Variants in USP53 observed in about 807,000 individuals in gnomAD.
The protein encoded by USP53 is ubiquitin carboxyl-terminal hydrolase 53.
In USP53, 71 loss-of-function variants were observed where a neutral mutation model predicts 94.9. The ratio of observed to expected loss-of-function variants is 0.75; its 90% CI spans 0.62 to 0.91. USP53 has a LOEUF of 0.91. USP53 is among the 40% of genes least tolerant of loss of function. The pLI is 0.00. For missense variants in USP53, 1,173 were observed against 1,281.0 expected (o/e 0.92, Z 1.29); for synonymous variants, 375 against 422.7 (o/e 0.89, Z 1.39).
At chr4:119,233,862 C>T (rs111862455) in intron 3 of USP53, among the ~76,000 whole-genome samples, 5 of 152,256 alleles carry the variant, frequency 3.3e-5, no homozygotes, top group African/African-American at 1.2e-4. Context: ...GGGTGAAAGA[C>T]TAGGCTTTAA....
chr4:119,269,819 G>T lies in USP53; in HGVS notation c.1417G>T (p.Asp473Tyr). Residue 473 changes from aspartate (D) to tyrosine (Y), a missense_variant, in exon 15 of 19, where the codon GAT (aspartate) becomes TAT (tyrosine). Coordinates refer to ENST00000692078, the MANE Select transcript of USP53 (RefSeq NM_001371395.1). ...RKDLEKGQRK[D>Y]LGRHRDLVDE... is the part of the protein sequence containing the mutation. ...AGATTTAGAGAAGGGACAAAGAAAA[G>T]ATTTAGGACGACATAGAGGTAAGTT... is the stretch of plus-strand genomic sequence containing the variant. 1 of 1,489,126 alleles carries T rather than the reference G, an allele frequency of 6.7e-7. No individual in the cohort carries two copies. 92.2% of individuals were successfully genotyped at this position (1,489,126 alleles called of 1,614,324 possible).
At chr4:119,264,404 A>G (rs755382387) in intron 12 of USP53, among the ~76,000 whole-genome samples, 2 of 152,206 alleles carry the variant, frequency 1.3e-5, no homozygotes, top group Non-Finnish European at 2.9e-5. Context: ...TTCTTCAGTA[A>G]GATACTATTA....
intron 5 of USP53, among the ~76,000 whole-genome samples, chr4:119,240,292 G>A (rs912894501): frequency 1.3e-5 from 2 of 152,066 alleles, no homozygotes; most frequent in African/African-American, 4.8e-5. Flanking sequence ...AGATAAGAAT[G>A]CAGAGTTTTT....
chr4:119,255,045 C>A (rs1434178286), intron 7 of USP53, among the ~76,000 whole-genome samples: 1 of 152,124 alleles, frequency 6.6e-6, no homozygotes, highest in Non-Finnish European at 1.5e-5. Flanking sequence ...CTGGTTTTCA[C>A]CAGTGGAGGC....
At chr4:119,227,697 A>G (rs149522193) in intron 3 of USP53, among the ~76,000 whole-genome samples, 1 of 152,332 alleles carries the variant, frequency 6.6e-6, no homozygotes, top group East Asian at 1.9e-4. Flanking sequence ...AATTTTCTAT[A>G]AAGTTAAACA....
chr4:119,280,106 C>G (rs897409977), intron 17 of USP53, among the ~76,000 whole-genome samples: 1 of 152,176 alleles, frequency 6.6e-6, no homozygotes, highest in Non-Finnish European at 1.5e-5. Flanking sequence ...TGTTCCTATT[C>G]GGCCATCTTG....
chr4:119,243,167 T>C (rs1325394860), intron 5 of USP53, among the ~76,000 whole-genome samples: 3 of 152,202 alleles, frequency 2.0e-5, no homozygotes, highest in Non-Finnish European at 4.4e-5. Flanking sequence ...TAAACCTTAA[T>C]TTTTTAAAAT....
Position 119,267,470 on chromosome 4 carries a change from G to A in USP53, c.1123G>A (p.Ala375Thr), listed in dbSNP as rs767251361. 1.2e-6 allele frequency: 2 copies of A among 1,605,828 alleles called. No homozygotes were observed. Among genetic ancestry groups the A allele is most frequent in the South Asian group, 2.3e-5 (2 of 88,558 alleles). Residue 375 changes from alanine to threonine, a missense_variant, in exon 13 of 19, where the codon GCA becomes ACA. Physicochemically the swap from Ala to Thr is moderately conservative, Grantham distance 58 (BLOSUM62 0). Transcript: ENST00000692078. ...CAGCTGGTCACATTACAAATCTGTT[G>A]CAGAAAATATGGGTAATTCTTTCTT... ...VISWSHYKSV[A>T]ENMGCEKPVI...
rs755934458 is a variant in USP53, at chr4:119,292,339, T to C, written c.2350T>C (p.Ser784Pro). The change falls in exon 19 of 19, where the codon TCA becomes CCA. Residue 784 changes from serine (S) to proline (P), a missense_variant and splice_region_variant. By Grantham distance (74) the Ser-to-Pro change is moderately conservative. Coordinates refer to ENST00000692078, the MANE Select transcript of USP53 (RefSeq NM_001371395.1). The part of the protein sequence containing the change: ...LQIKNHLIKR[S>P]HVHEDNGKLF... ...TTTGTTTTTATTTTCATATTTCAGA[T>C]CACATGTACATGAAGACAATGGAAA... 1 of 1,574,216 alleles carries C rather than the reference T, an allele frequency of 6.4e-7. No homozygotes were observed. The highest frequency in any genetic ancestry group is 8.6e-7 in the Non-Finnish European group (1 of 1,163,766).
intron 7 of USP53, among the ~76,000 whole-genome samples, chr4:119,251,344 GAA>G (rs1039831101): frequency 1.3e-5 from 2 of 152,148 alleles, no homozygotes; most frequent in African/African-American, 4.8e-5. Context: ...TTGCTATTGT[GAA>G]TAGTGCCACA....
intron 7 of USP53, among the ~76,000 whole-genome samples, chr4:119,249,865 T>C (rs1450636519): frequency 6.6e-6 from 1 of 151,866 alleles, no homozygotes; most frequent in South Asian, 2.1e-4. Context: ...AGGGTTTCAC[T>C]GTGTTAGCCA....
intron 12 of USP53, 116 bp from the exon 13 acceptor site, chr4:119,267,204 A>C: frequency 4.7e-5 from 37 of 785,034 alleles, no homozygotes; most frequent in Non-Finnish European, 6.2e-5. Flanking sequence ...TTGAACTACT[A>C]GCAGCTGCAT....
intron 5 of USP53, among the ~76,000 whole-genome samples, chr4:119,241,461 C>T (rs573767496): frequency 1.3e-4 from 20 of 152,112 alleles, no homozygotes; most frequent in Non-Finnish European, 2.4e-4. Flanking sequence ...CTGTATTTCA[C>T]CTTTATTTTT....
intron 6 of USP53, among the ~76,000 whole-genome samples, chr4:119,246,375 T>C (rs1383449244): frequency 1.3e-5 from 2 of 152,184 alleles, no homozygotes; most frequent in South Asian, 2.1e-4. Flanking sequence ...CAGGTGGCCA[T>C]GCGGCAAGAC....
rs1752298239 is a variant in USP53, at chr4:119,274,317, A to T, written c.2251+609A>T. ...CTGTGTCCATGTGATCTCATTGTTCAATTCCCACCTATGAGTGAGAATATG... is the reference window on the plus strand; with the variant it reads ...CTGTGTCCATGTGATCTCATTGTTCTATTCCCACCTATGAGTGAGAATATG... On this transcript the variant is annotated intron_variant, in intron 17 of 18. Transcript: ENST00000692078. Among the ~76,000 whole-genome samples, 4 of 139,364 alleles carry T rather than the reference A, an allele frequency of 2.9e-5. No homozygotes were observed. The South Asian group carries it at 8.8e-4, about 31-fold the overall frequency. The allele number at this position is 139,364 out of a possible 152,430, so 91.4% of individuals were successfully genotyped here. A position where few individuals can be genotyped will look rare whatever the true frequency, so the allele number is the denominator to read the frequency against.
intron 15 of USP53, among the ~76,000 whole-genome samples, chr4:119,270,447 A>T (rs1462979886): frequency 1.3e-5 from 2 of 152,116 alleles, no homozygotes; most frequent in African/African-American, 2.4e-5. Flanking sequence ...CTAAATCTAA[A>T]TATGCAAAAT....
At chr4:119,267,964 G>A (rs1477220798) in intron 13 of USP53, among the ~76,000 whole-genome samples, 1 of 151,826 alleles carries the variant, frequency 6.6e-6, no homozygotes, top group East Asian at 1.9e-4. Context: ...TCAGGAGATC[G>A]AGACCATCCT....
intron 4 of USP53, among the ~76,000 whole-genome samples, chr4:119,238,875 T>C (rs1302505645): frequency 6.6e-6 from 1 of 152,186 alleles, no homozygotes; most frequent in African/African-American, 2.4e-5. Context: ...TGGAAAAATA[T>C]GATTCTATGT....
intron 6 of USP53, among the ~76,000 whole-genome samples, chr4:119,245,895 G>T (rs1295920616): frequency 2.6e-5 from 4 of 152,098 alleles, no homozygotes; most frequent in Non-Finnish European, 4.4e-5. Flanking sequence ...ATACATCAGG[G>T]AAAGAAAATA....
Sources: allele counts gnomAD v4.1 joint callset (sites outside exome capture counted in the v4.1 genomes callset), GRCh38; gene constraint gnomAD v4.1.1; transcripts MANE v1.5; gene names NCBI Gene and HGNC (gene_info 2026-07-23, HGNC 2026-07-21).